SLC5A2: variants seen among roughly 807,000 people sequenced by gnomAD.
The protein encoded by SLC5A2 is sodium/glucose cotransporter 2.
A neutral mutation model predicts 69.0 loss-of-function variants in SLC5A2; 67 were observed. The observed-to-expected ratio is 0.97, with a 90% CI of 0.80 to 1.19. The LOEUF is 1.19. SLC5A2 is among the 50% of genes most tolerant of loss of function. The pLI, the probability that SLC5A2 is intolerant of heterozygous loss-of-function variation, is 0.00. For synonymous variants in SLC5A2, 455 were observed against 395.8 expected (o/e 1.15, Z -1.78); for missense variants, 1,001 against 921.5 (o/e 1.09, Z -1.12).
Position 31,488,639 on chromosome 16 carries a change from C to T in SLC5A2, c.1147C>T (p.Leu383=). Residue 383 remains leucine (L), a synonymous_variant, in exon 10 of 14, where the codon CTG becomes TTG. Transcript: ENST00000330498. ...LMPNGLRGLM[L]AVMLAALMSS... is the part of the protein sequence containing the mutation. Reference sequence around the variant, plus strand: ...GCCCGCAGGTCTGCGCGGACTCATGCTGGCGGTCATGCTGGCCGCGCTCAT... The same window carrying T: ...GCCCGCAGGTCTGCGCGGACTCATGTTGGCGGTCATGCTGGCCGCGCTCAT... 1.9e-6 allele frequency: 3 copies of T among 1,611,392 alleles called. No homozygotes were observed. Among genetic ancestry groups the T allele is most frequent in the Non-Finnish European group, 2.5e-6 (3 of 1,179,050 alleles).
intron 1 of SLC5A2, among the ~76,000 whole-genome samples, chr16:31,484,258 G>A (rs912703119): frequency 2.9e-4 from 42 of 146,548 alleles, no homozygotes; most frequent in Middle Eastern, 3.5e-3. Flanking sequence ...ACACACACAC[G>A]CACACACACA....
intron 1 of SLC5A2, among the ~76,000 whole-genome samples, chr16:31,483,688 T>C (rs1353752578): frequency 1.3e-5 from 2 of 152,112 alleles, no homozygotes; most frequent in Non-Finnish European, 2.9e-5. Context: ...GGCCAGGAGT[T>C]TGAGACCAGA....
intron 12 of SLC5A2, 62 bp downstream of exon 12, chr16:31,489,400 G>C: frequency 6.7e-7 from 1 of 1,483,216 alleles, no homozygotes; most frequent in South Asian, 1.2e-5. Context: ...CTGCTTCCTG[G>C]AGTGCCCAGC....
At chr16:31,483,741 A>T (rs2082473359) in intron 1 of SLC5A2, among the ~76,000 whole-genome samples, 1 of 152,034 alleles carries the variant, frequency 6.6e-6, no homozygotes, top group Admixed American at 6.5e-5. Flanking sequence ...TATTTAAAAA[A>T]TTTATTTTAA....
intron 4 of SLC5A2, 22 bp downstream of exon 4, chr16:31,485,915 G>A (rs759123379): frequency 9.4e-5 from 151 of 1,612,920 alleles, no homozygotes; most frequent in Non-Finnish European, 1.3e-4. Flanking sequence ...TGGCAGATGC[G>A]ATTGGGCCCT....
chr16:31,489,410 C>T, intron 12 of SLC5A2, 72 bp downstream of exon 12: 1 of 1,357,202 alleles, frequency 7.4e-7, no homozygotes, highest in South Asian at 1.2e-5. Flanking sequence ...GAGTGCCCAG[C>T]TGGGAGGACC....
Position 31,488,442 on chromosome 16 carries a change from T to C in SLC5A2, c.1081T>C (p.Cys361Arg). The change falls in exon 9 of 14, where the codon TGC becomes CGC. Residue 361 changes from cysteine (C) to arginine (R), a missense_variant. Cys to Arg is a radical substitution (Grantham distance 180, BLOSUM62 -3). Coordinates refer to ENST00000330498, the MANE Select transcript of SLC5A2 (RefSeq NM_003041.4). Reference sequence around the variant, plus strand: ...GCGCGTGTGCGGCACGGAGGTGGGCTGCTCCAACATCGCCTACCCGCGGCT... The same window carrying C: ...GCGCGTGTGCGGCACGGAGGTGGGCCGCTCCAACATCGCCTACCCGCGGCT... ...CRRVCGTEVG[C>R]SNIAYPRLVV... The C allele has an allele frequency of 6.2e-7, 1 of 1,611,578 alleles. No homozygotes were observed. The highest frequency in any genetic ancestry group is 8.5e-7 in the Non-Finnish European group (1 of 1,179,666).
rs1243043829 is a variant in SLC5A2, at chr16:31,485,754, G to A, written c.329G>A (p.Gly110Asp). 1.2e-6 allele frequency: 2 copies of A among 1,613,526 alleles called. No individual in the cohort carries two copies. Among genetic ancestry groups the A allele is most frequent in the Admixed American group, 3.3e-5 (2 of 60,016 alleles). ...WNALFVVLLL[G>D]WLFAPVYLTA... ...GCGCTCTTCGTGGTGCTGCTACTGGGCTGGCTGTTTGCACCCGTGTACCTG... is the reference window on the plus strand; with the variant it reads ...GCGCTCTTCGTGGTGCTGCTACTGGACTGGCTGTTTGCACCCGTGTACCTG... Residue 110 changes from glycine (G) to aspartate (D), a missense_variant, in exon 4 of 14, where the codon GGC (glycine) becomes GAC (aspartate). Transcript: ENST00000330498.
Position 31,488,078 on chromosome 16 carries a change from A to C in SLC5A2, c.926A>C (p.His309Pro). 6.2e-7 allele frequency: 1 copy of C among 1,613,980 alleles called. No homozygotes were observed. Among genetic ancestry groups the C allele is most frequent in the Non-Finnish European group, 8.5e-7 (1 of 1,179,956 alleles). Residue 309 changes from histidine (H) to proline (P), a missense_variant, in exon 8 of 14, where the codon CAC becomes CCC. Transcript: ENST00000330498. ...QRCLAGKSLT[H>P]IKAGCILCGY... ...TGCCTGGCCGGGAAGAGCCTGACCCACATCAAGGCGGGCTGCATCCTGTGT... is the reference window on the plus strand; with the variant it reads ...TGCCTGGCCGGGAAGAGCCTGACCCCCATCAAGGCGGGCTGCATCCTGTGT...
Position 31,490,207 on chromosome 16 carries a change from C to G in SLC5A2, c.1769C>G (p.Pro590Arg), listed in dbSNP as rs1567392678. The G allele has an allele frequency of 1.2e-6, 2 of 1,614,158 alleles. No individual in the cohort carries two copies. The highest frequency in any genetic ancestry group is 2.2e-5 in the South Asian group (2 of 91,072). Residue 590 changes from proline to arginine, a missense_variant, in exon 13 of 14, where the codon CCA becomes CGA. Transcript: ENST00000330498. ...GSSLPVQNGC[P>R]ESAMEMNEPQ... is the part of the protein sequence containing the mutation. ...TCACTCCCTGTACAGAATGGGTGCC[C>G]AGAGAGTGCCATGGAGATGAATGGT...
rs916401541 is a variant in SLC5A2 at position 31,489,733 on chromosome 16, G to T, written c.1666-371G>T. On this transcript the variant is annotated intron_variant, in intron 12 of 13. Transcript: ENST00000330498. The stretch of plus-strand genomic sequence containing the variant: ...GGGTGAGGACAGGACAAGAGATCTG[G>T]GTGTGGAAGGATGGCCGGGTTTCTG... 1.1e-5 allele frequency: 5 copies of T among 445,398 alleles called. No individual in the cohort carries two copies. The Admixed American group carries it at 1.4e-4, about 12-fold the overall frequency. The allele number at this position is 445,398 out of a possible 1,614,324, so 27.6% of individuals were successfully genotyped here.
At chr16:31,490,073 C>G (rs2082548515) in intron 12 of SLC5A2, 31 bp from the exon 13 acceptor site, 3 of 1,612,276 alleles carry the variant, frequency 1.9e-6, no homozygotes, top group African/African-American at 1.3e-5. Context: ...GGACAGAACT[C>G]CCACCTCGTT....
At position 31,484,800 on chromosome 16, in the gene SLC5A2, C is replaced by T; in HGVS notation, c.199-19C>T. The stretch of plus-strand genomic sequence containing the variant: ...GCCTGGAGAAGCAGCCCTGCTCACT[C>T]CCTCCTCTGGCCACCCAGGTTGGGG... On this transcript the variant is annotated intron_variant, in intron 2 of 13. Transcript: ENST00000330498. The T allele has an allele frequency of 6.2e-7, 1 of 1,612,252 alleles. No homozygotes were observed. Among genetic ancestry groups the T allele is most frequent in the Non-Finnish European group, 8.5e-7 (1 of 1,179,926 alleles).
At position 31,488,743 on chromosome 16, in the gene SLC5A2, C is replaced by G; in HGVS notation, c.1251C>G (p.Ala417=). The change falls in exon 10 of 14, where the codon GCC becomes GCG. Residue 417 remains alanine, a synonymous_variant. Transcript: ENST00000330498. ...MDIYTRLRPR[A]GDRELLLVGR... ...TCTACACGCGCCTGCGGCCACGCGC[C>G]GGCGACCGCGAGCTGCTGCTGGTGG... 3 of 1,606,542 alleles carry G rather than the reference C, an allele frequency of 1.9e-6. No individual in the cohort carries two copies. The highest frequency in any genetic ancestry group is 1.7e-6 in the Non-Finnish European group (2 of 1,177,656).
chr16:31,489,495 T>C, intron 12 of SLC5A2, 157 bp downstream of exon 12: 2 of 691,498 alleles, frequency 2.9e-6, no homozygotes, highest in South Asian at 1.7e-5. Context: ...AGAATTTTTA[T>C]TTAAATACAT....
intron 12 of SLC5A2, 177 bp downstream of exon 12, chr16:31,489,515 C>T (rs1596622017): frequency 1.5e-6 from 1 of 662,398 alleles, no homozygotes; most frequent in Non-Finnish European, 2.7e-6. Flanking sequence ...TTTATTTGAA[C>T]CGGCCTGGGG....
At chr16:31,489,476 T>C in intron 12 of SLC5A2, 138 bp downstream of exon 12, 1 of 753,848 alleles carries the variant, frequency 1.3e-6, no homozygotes, top group South Asian at 1.5e-5. Flanking sequence ...CAGTTGCAAT[T>C]GCCGAGCAAG....
At position 31,488,135 on chromosome 16, in the gene SLC5A2, T is replaced by C. The variant is rs1223864150; in HGVS notation, c.983T>C (p.Met328Thr). The change falls in exon 8 of 14, where the codon ATG becomes ACG. Residue 328 changes from methionine (M) to threonine (T), a missense_variant. Transcript: ENST00000330498. ...CTGAAGCTGACGCCCATGTTTCTCA[T>C]GGTCATGCCAGGCATGATCAGCCGC... ...GYLKLTPMFL[M>T]VMPGMISRIL... 3 of 1,613,962 alleles carry C rather than the reference T, an allele frequency of 1.9e-6. No individual in the cohort carries two copies. The highest frequency in any genetic ancestry group is 1.3e-5 in the African/African-American group (1 of 74,936).
chr16:31,484,884 C>T lies in SLC5A2; in HGVS notation c.264C>T (p.Gly88=), dbSNP rs748938714. 16 of 1,614,032 alleles carry T rather than the reference C, an allele frequency of 9.9e-6. No individual in the cohort carries two copies. The highest frequency in any genetic ancestry group is 9.3e-5 in the African/African-American group (7 of 74,948). ...SGHFVGLAGT[G]AASGLAVAGF... ...ACTTTGTGGGCCTGGCAGGGACTGG[C>T]GCTGCAAGTGGCTTGGCTGTTGCTG... The change falls in exon 3 of 14, where the codon GGC becomes GGT. Residue 88 remains glycine, a synonymous_variant. Transcript: ENST00000330498.
Sources: gnomAD v4.1 joint callset for allele counts (sites outside exome capture counted in the v4.1 genomes callset) on GRCh38, gnomAD v4.1.1 for gene constraint, MANE v1.5 for transcripts, NCBI Gene and HGNC (gene_info 2026-07-23, HGNC 2026-07-21) for gene names.